Variants in HDAC9 observed in about 807,000 individuals in gnomAD.
HDAC9 encodes MEF-2 interacting transcription repressor (MITR) protein.
Under a neutral mutation model 139.4 loss-of-function variants are expected in HDAC9, and 41 were observed. The ratio of observed to expected loss-of-function variants is 0.29; its 90% CI spans 0.23 to 0.38. The LOEUF is 0.38. HDAC9 is among the 10% of genes least tolerant of loss of function. HDAC9 has a pLI of 1.00. For synonymous variants in HDAC9, 517 were observed against 476.2 expected (o/e 1.09, Z -1.12); for missense variants, 1,147 against 1,297.0 (o/e 0.88, Z 1.78).
intron 2 of HDAC9, among the ~76,000 whole-genome samples, chr7:18,265,260 A>G (rs1185868729): frequency 1.3e-5 from 2 of 152,226 alleles, no homozygotes; most frequent in Admixed American, 6.5e-5. Context: ...TTCAATTATA[A>G]TAATCTTCAT....
intron 24 of HDAC9, among the ~76,000 whole-genome samples, chr7:18,971,149 A>G (rs1784219258): frequency 6.6e-6 from 1 of 152,150 alleles, no homozygotes; most frequent in Non-Finnish European, 1.5e-5. Context: ...TATACTTTTT[A>G]TCTTTATTGT....
chr7:18,968,085 C>T (rs975561233), intron 24 of HDAC9, among the ~76,000 whole-genome samples: 1 of 152,018 alleles, frequency 6.6e-6, no homozygotes. Flanking sequence ...TCGCTTGAAC[C>T]CGGGAGGCGG....
chr7:18,519,416 A>T (rs1007956908), intron 2 of HDAC9, among the ~76,000 whole-genome samples: 5 of 152,214 alleles, frequency 3.3e-5, no homozygotes, highest in Non-Finnish European at 5.9e-5. Context: ...ACTGTAAATC[A>T]GTAAGAAATA....
At chr7:18,149,612 T>G (rs908109833) in intron 1 of HDAC9, among the ~76,000 whole-genome samples, 5 of 151,882 alleles carry the variant, frequency 3.3e-5, no homozygotes, top group Non-Finnish European at 7.4e-5. Flanking sequence ...GTGCAGTGGC[T>G]TGATCTCGGC....
chr7:18,542,305 C>A (rs1028867023), intron 2 of HDAC9, among the ~76,000 whole-genome samples: 3 of 152,118 alleles, frequency 2.0e-5, no homozygotes, highest in Non-Finnish European at 2.9e-5. Context: ...GGAACTTGAT[C>A]AAATTACCAA....
intron 1 of HDAC9, chr7:18,429,092 C>G (rs762541809): frequency 1.3e-5 from 2 of 152,224 alleles, no homozygotes; most frequent in African/African-American, 2.4e-5. Flanking sequence ...TCTCCACAGT[C>G]CTTATCACCA....
At chr7:18,272,167 T>C (rs1259477497) in intron 2 of HDAC9, among the ~76,000 whole-genome samples, 1 of 152,174 alleles carries the variant, frequency 6.6e-6, no homozygotes, top group African/African-American at 2.4e-5. Context: ...GAGTGCTAAC[T>C]CTACCAGCAA....
intron 1 of HDAC9, among the ~76,000 whole-genome samples, chr7:18,411,286 T>G (rs1441367938): frequency 6.6e-6 from 1 of 152,228 alleles, no homozygotes; most frequent in Non-Finnish European, 1.5e-5. Flanking sequence ...ACAAAAGTAA[T>G]ACACCTTCAG....
intron 2 of HDAC9, among the ~76,000 whole-genome samples, chr7:18,223,400 T>TC (rs975498445): frequency 2.8e-4 from 42 of 152,122 alleles, no homozygotes; most frequent in African/African-American, 9.6e-4. Flanking sequence ...AATTTTTTTT[T>TC]TTTTTTTGGA....
At chr7:18,663,385 C>T (rs1793814432) in intron 11 of HDAC9, among the ~76,000 whole-genome samples, 1 of 151,966 alleles carries the variant, frequency 6.6e-6, no homozygotes, top group South Asian at 2.1e-4. Flanking sequence ...GTGGCTTCCT[C>T]TTAGTTATTG....
intron 1 of HDAC9, among the ~76,000 whole-genome samples, chr7:18,291,758 T>C (rs142074484): frequency 6.6e-6 from 1 of 152,280 alleles, no homozygotes; most frequent in African/African-American, 2.4e-5. Context: ...ATTAATTCTC[T>C]CTACAAACAA....
intron 12 of HDAC9, among the ~76,000 whole-genome samples, chr7:18,674,011 G>A (rs1362897641): frequency 2.0e-5 from 3 of 151,958 alleles, no homozygotes; most frequent in Non-Finnish European, 4.4e-5. Context: ...GGTTTTTCCT[G>A]CTTTTCCTTT....
chr7:18,608,707 T>A lies in HDAC9; in HGVS notation c.664+14678T>A, dbSNP rs149569635. Among the ~76,000 whole-genome samples the A allele has an allele frequency of 2.2e-3, 333 of 152,298 alleles. 4 individuals carry two copies. Among genetic ancestry groups the A allele is most frequent in the African/African-American group, 7.5e-3 (312 of 41,564 alleles). On this transcript the variant is annotated intron_variant, in intron 6 of 25. Transcript: ENST00000686413. Reference sequence around the variant, plus strand: ...ATCTGAGAATATAATGCTTGTAACATCTTCCTCCTTTATTTGACAAACCAC... The same window carrying A: ...ATCTGAGAATATAATGCTTGTAACAACTTCCTCCTTTATTTGACAAACCAC...
intron 12 of HDAC9, among the ~76,000 whole-genome samples, chr7:18,680,219 T>A (rs1196404317): frequency 6.6e-6 from 1 of 151,998 alleles, no homozygotes; most frequent in Non-Finnish European, 1.5e-5. Flanking sequence ...CTAAAAATTG[T>A]GGGGAGCCTA....
intron 13 of HDAC9, among the ~76,000 whole-genome samples, chr7:18,732,898 C>T (rs1786385606): frequency 9.0e-6 from 1 of 110,858 alleles, no homozygotes; most frequent in African/African-American, 4.4e-5. Context: ...TGTGTACACA[C>T]ACACGTGTGC....
chr7:18,180,263 A>ACACACACACACACCCC (rs1584493331), intron 2 of HDAC9, among the ~76,000 whole-genome samples: 1 of 149,542 alleles, frequency 6.7e-6, no homozygotes, highest in Non-Finnish European at 1.5e-5. Context: ...ACACACACAC[A>ACACACACACACACCCC]CACACACACA....
intron 2 of HDAC9, among the ~76,000 whole-genome samples, chr7:18,551,121 T>C (rs1816984196): frequency 6.6e-6 from 1 of 152,094 alleles, no homozygotes; most frequent in South Asian, 2.1e-4. Context: ...ATGGAAGGGG[T>C]AAAACATGAT....
chr7:18,564,974 T>C (rs200743479), intron 2 of HDAC9, among the ~76,000 whole-genome samples: 5,327 of 147,942 alleles, frequency 0.036, 140 homozygotes, highest in East Asian at 0.082. Flanking sequence ...TTTATTTATT[T>C]ATTTATTTAT....
intron 1 of HDAC9, among the ~76,000 whole-genome samples, chr7:18,305,156 C>G (rs1257464806): frequency 6.6e-6 from 1 of 152,142 alleles, no homozygotes; most frequent in East Asian, 1.9e-4. Context: ...TATATTTCCT[C>G]CATAGCCCAC....
Sources: gnomAD v4.1 joint callset for allele counts (sites outside exome capture counted in the v4.1 genomes callset) on GRCh38, gnomAD v4.1.1 for gene constraint, MANE v1.5 for transcripts, NCBI Gene and HGNC (gene_info 2026-07-23, HGNC 2026-07-21) for gene names.